Variants in RPS15 observed in about 807,000 individuals in gnomAD.
RPS15 encodes ribosomal protein S15, also known as small ribosomal subunit protein uS19.
A neutral mutation model predicts 14.9 loss-of-function variants in RPS15; 5 were observed. That is an observed-to-expected ratio of 0.34 (90% CI 0.18 to 0.70). The LOEUF (loss-of-function observed/expected upper bound fraction) is 0.70. Ranked by LOEUF, RPS15 falls within the 30% of genes least tolerant of loss-of-function variation. The probability of loss-of-function intolerance (pLI) is 0.65; values close to 1 mark genes in which losing one functional copy is unlikely to be tolerated. For missense variants in RPS15, 102 were observed against 204.2 expected, an observed-to-expected ratio of 0.50 and a Z score of 3.05; for synonymous variants, 103 against 85.0, an observed-to-expected ratio of 1.21 and a Z score of -1.16.
Position 1,440,035 on chromosome 19 carries a change from C to T in RPS15, c.106C>T (p.Leu36=). 2.6e-6 allele frequency: 4 copies of T among 1,553,206 alleles called. No homozygotes were observed. Among genetic ancestry groups the T allele is most frequent in the South Asian group, 2.4e-5 (2 of 84,298 alleles). The change falls in exon 3 of 4, where the codon CTG becomes TTG. Residue 36 remains leucine, a synonymous_variant. Transcript: ENST00000592588. The part of the protein sequence containing the change: ...LDMSYEQLMQ[L]YSARQRRRLN... ...CCTCCCCAGCGAGCAGCTGATGCAG[C>T]TGTACAGTGCGCGCCAGCGGCGGCG...
At chr19:1,440,321 A>G in intron 3 of RPS15, 28 bp from the exon 4 acceptor site, 4 of 1,611,392 alleles carry the variant, frequency 2.5e-6, no homozygotes, top group Non-Finnish European at 3.4e-6. Flanking sequence ...ATCAGCTGAC[A>G]CCCAGCTTTG....
rs201504533 is a variant in RPS15 at position 1,438,425 on chromosome 19, G to A, written c.-1G>A. The A allele has an allele frequency of 4.3e-6, 7 of 1,613,498 alleles. No homozygotes were observed. The African/African-American group carries it at 5.3e-5, about 12-fold the overall frequency. On this transcript the variant is annotated 5_prime_UTR_variant, in exon 1 of 4. Transcript: ENST00000592588. The surrounding 1 kb of genome is among the most constrained non-coding windows in gnomAD (Gnocchi z 4.8). ...GCGATCTCTTCTGAGGATCCGGCAA[G>A]ATGGTGAGTGTTGCGATTTGGCGCG...
intron 2 of RPS15, 121 bp from the exon 3 acceptor site, chr19:1,439,898 T>G: frequency 1.2e-6 from 1 of 821,520 alleles, no homozygotes; most frequent in South Asian, 1.4e-5. Context: ...CAATGGACAG[T>G]GACAGGTCCA....
At position 1,438,569 on chromosome 19, in the gene RPS15, G is replaced by A. The variant is rs2083626910; in HGVS notation, c.3+141G>A. On this transcript the variant is annotated intron_variant, in intron 1 of 3. Transcript: ENST00000592588. The surrounding 1 kb of genome is among the most constrained non-coding windows in gnomAD (Gnocchi z 4.8). ...TGCAGGCGGCTGGATGTTGGGGCGA[G>A]GGGCGGACTTGGTGGGTGTCGGGAC... The A allele has an allele frequency of 2.6e-6, 4 of 1,564,600 alleles. No homozygotes were observed. The highest frequency in any genetic ancestry group is 1.7e-6 in the Non-Finnish European group (2 of 1,154,226).
rs769233653 is a variant in RPS15, at chr19:1,438,431, G to A, written c.3+3G>A. ...TCTTCTGAGGATCCGGCAAGATGGT[G>A]AGTGTTGCGATTTGGCGCGTCTCTG... On this transcript the variant is annotated splice_donor_region_variant and intron_variant, in intron 1 of 3. Transcript: ENST00000592588. The surrounding 1 kb of genome is among the most constrained non-coding windows in gnomAD (Gnocchi z 4.8). The A allele has an allele frequency of 5.0e-6, 8 of 1,613,376 alleles. No individual in the cohort carries two copies. The African/African-American group carries it at 5.3e-5, about 11-fold the overall frequency.
At position 1,438,638 on chromosome 19, in the gene RPS15, C is replaced by A; in HGVS notation, c.4-169C>A. 6.5e-7 allele frequency: 1 copy of A among 1,529,508 alleles called. No homozygotes were observed. The highest frequency in any genetic ancestry group is 8.8e-7 in the Non-Finnish European group (1 of 1,133,068). The allele number at this position is 1,529,508 out of a possible 1,614,324, so 94.7% of individuals were successfully genotyped here. A position where few individuals can be genotyped will look rare whatever the true frequency, so the allele number is the denominator to read the frequency against. ...CCTGTCCGGGCCTTCATGTCCGGGT[C>A]CTCGTAACCCGGAGCCGCGAGTGAT... On this transcript the variant is annotated intron_variant, in intron 1 of 3. Coordinates refer to ENST00000592588, the MANE Select transcript of RPS15 (RefSeq NM_001018.5). This position sits in a 1 kb window ranked among gnomAD's most constrained non-coding sequence, Gnocchi z 4.8.
chr19:1,439,550 C>T lies in RPS15; in HGVS notation c.90-469C>T, dbSNP rs772359734. The T allele has an allele frequency of 4.1e-4, 121 of 293,522 alleles. 1 individual carries two copies. Among genetic ancestry groups the T allele is most frequent in the Middle Eastern group, 2.3e-3 (2 of 868 alleles). The allele number at this position is 293,522 out of a possible 1,614,324, so 18.2% of individuals were successfully genotyped here. On this transcript the variant is annotated intron_variant, in intron 2 of 3. Coordinates refer to ENST00000592588, the MANE Select transcript of RPS15 (RefSeq NM_001018.5). ...GCTGGGATTACAGGCGTGAACACCG[C>T]GCCCGACCTTGATTTTTGATTATTT...
intron 2 of RPS15, chr19:1,439,610 G>A: frequency 8.4e-6 from 4 of 477,492 alleles, no homozygotes; most frequent in Non-Finnish European, 1.5e-5. Context: ...GTCCAGGTTG[G>A]TCTTGAACTC....
chr19:1,440,351 C>T lies in RPS15; in HGVS notation c.327C>T (p.Pro109=), dbSNP rs779437588. 2 of 1,613,958 alleles carry T rather than the reference C, an allele frequency of 1.2e-6. No individual in the cohort carries two copies. Among genetic ancestry groups the T allele is most frequent in the Non-Finnish European group, 8.5e-7 (1 of 1,179,918 alleles). Residue 109 remains proline, a splice_region_variant and synonymous_variant, in exon 4 of 4, where the codon CCC becomes CCT. Transcript: ENST00000592588. ...GCTTTGCTCTTGGTCTCCCGCAGCC[C>T]GAGATGATCGGCCACTACCTGGGCG... is the stretch of plus-strand genomic sequence containing the variant. ...GKTFNQVEIK[P]EMIGHYLGEF...
At chr19:1,440,293 T>TCG in intron 3 of RPS15, 40 bp downstream of exon 3, 1 of 1,610,064 alleles carries the variant, frequency 6.2e-7, no homozygotes, top group Non-Finnish European at 8.5e-7. Flanking sequence ...TGGGCTGGGG[T>TCG]CGCCTGATGC....
In RPS15 at chr19:1,440,070, G is replaced by A. The variant is rs886789572; in HGVS notation, c.141G>A (p.Arg47=). Residue 47 remains arginine (R), a synonymous_variant, in exon 3 of 4, where the codon CGG becomes CGA. Coordinates refer to ENST00000592588, the MANE Select transcript of RPS15 (RefSeq NM_001018.5). The stretch of plus-strand genomic sequence containing the variant: ...CGCGCCAGCGGCGGCGGCTGAACCG[G>A]GGCCTGCGGCGGAAGCAGCACTCCC... The part of the protein sequence containing the change: ...YSARQRRRLN[R]GLRRKQHSLL... 2.6e-6 allele frequency: 4 copies of A among 1,566,962 alleles called. No individual in the cohort carries two copies. The highest frequency in any genetic ancestry group is 3.5e-6 in the Non-Finnish European group (4 of 1,157,212).
intron 2 of RPS15, 124 bp downstream of exon 2, chr19:1,439,016 G>A: frequency 1.3e-6 from 1 of 781,764 alleles, no homozygotes; most frequent in South Asian, 1.9e-5. Context: ...CTCCGCGCGG[G>A]TTTGGAACTG....
chr19:1,438,708 C>T lies in RPS15; in HGVS notation c.4-99C>T. ...CGGTGTGTCCCTGTCGGGCTTCTGT[C>T]CCCGGCGGCGCCGCGCGTCTTCCGC... On this transcript the variant is annotated intron_variant, in intron 1 of 3. Transcript: ENST00000592588. The surrounding 1 kb of genome is among the most constrained non-coding windows in gnomAD (Gnocchi z 4.8). The T allele has an allele frequency of 6.5e-7, 1 of 1,533,194 alleles. No homozygotes were observed. The highest frequency in any genetic ancestry group is 2.3e-4 in the Middle Eastern group (1 of 4,360). 95.0% of individuals were successfully genotyped at this position (1,533,194 alleles called of 1,614,324 possible).
Position 1,438,401 on chromosome 19 carries a change from C to A in RPS15, c.-25C>A, listed in dbSNP as rs780290556. On this transcript the variant is annotated 5_prime_UTR_variant, in exon 1 of 4. Coordinates refer to ENST00000592588, the MANE Select transcript of RPS15 (RefSeq NM_001018.5). The surrounding 1 kb of genome is among the most constrained non-coding windows in gnomAD (Gnocchi z 4.8). ...ATAACTGCGCAGGCGCGGACCAAAG[C>A]GATCTCTTCTGAGGATCCGGCAAGA... The A allele has an allele frequency of 5.0e-6, 8 of 1,613,242 alleles. No homozygotes were observed. The highest frequency in any genetic ancestry group is 1.7e-5 in the Admixed American group (1 of 59,992).
rs1342483872 is a variant in RPS15, at chr19:1,438,699, G to A, written c.4-108G>A. On this transcript the variant is annotated intron_variant, in intron 1 of 3. Coordinates refer to ENST00000592588, the MANE Select transcript of RPS15 (RefSeq NM_001018.5). This position sits in a 1 kb window ranked among gnomAD's most constrained non-coding sequence, Gnocchi z 4.8. Reference sequence around the variant, plus strand: ...GGGTCGAAGCGGTGTGTCCCTGTCGGGCTTCTGTCCCCGGCGGCGCCGCGC... The same window carrying A: ...GGGTCGAAGCGGTGTGTCCCTGTCGAGCTTCTGTCCCCGGCGGCGCCGCGC... The A allele has an allele frequency of 1.3e-6, 2 of 1,533,752 alleles. No individual in the cohort carries two copies. The highest frequency in any genetic ancestry group is 1.8e-6 in the Non-Finnish European group (2 of 1,134,008).
In RPS15 at chr19:1,440,035, C is replaced by G. The variant is rs1312063572; in HGVS notation, c.106C>G (p.Leu36Val). The part of the protein sequence containing the change: ...LDMSYEQLMQ[L>V]YSARQRRRLN... ...CCTCCCCAGCGAGCAGCTGATGCAG[C>G]TGTACAGTGCGCGCCAGCGGCGGCG... The change falls in exon 3 of 4, where the codon CTG (leucine) becomes GTG (valine). Residue 36 changes from leucine (L) to valine (V), a missense_variant. Around this residue, in one of 2 missense-constraint regions of RPS15, gnomAD observed 70 missense variants for 96.8 expected, o/e 0.72. Transcript: ENST00000592588. 6.4e-6 allele frequency: 10 copies of G among 1,553,088 alleles called. No homozygotes were observed. The highest frequency in any genetic ancestry group is 5.4e-5 in the African/African-American group (4 of 73,512).
chr19:1,439,061 C>G, intron 2 of RPS15, 169 bp downstream of exon 2: 1 of 599,006 alleles, frequency 1.7e-6, no homozygotes, highest in South Asian at 2.1e-5. Flanking sequence ...TGTCCAGAGA[C>G]GTTGAGGTTT....
At position 1,438,691 on chromosome 19, in the gene RPS15, C is replaced by T. The variant is rs1046944797; in HGVS notation, c.4-116C>T. On this transcript the variant is annotated intron_variant, in intron 1 of 3. Coordinates refer to ENST00000592588, the MANE Select transcript of RPS15 (RefSeq NM_001018.5). The surrounding 1 kb of genome is among the most constrained non-coding windows in gnomAD (Gnocchi z 4.8). Reference sequence around the variant, plus strand: ...CCGGGGACGGGTCGAAGCGGTGTGTCCCTGTCGGGCTTCTGTCCCCGGCGG... The same window carrying T: ...CCGGGGACGGGTCGAAGCGGTGTGTTCCTGTCGGGCTTCTGTCCCCGGCGG... 21 of 1,532,724 alleles carry T rather than the reference C, an allele frequency of 1.4e-5. No homozygotes were observed. Among genetic ancestry groups the T allele is most frequent in the Non-Finnish European group, 1.9e-5 (21 of 1,133,072 alleles). 94.9% of individuals were successfully genotyped at this position (1,532,724 alleles called of 1,614,324 possible).
At position 1,438,857 on chromosome 19, in the gene RPS15, C is replaced by T. The variant is rs1298278995; in HGVS notation, c.54C>T (p.Arg18=). ...KKRTFRKFTY[R]GVDLDQLLDM... ...GGACCTTCCGCAAGTTCACCTACCG[C>T]GGCGTGGACCTCGACCAGCTGCTGG... Residue 18 remains arginine, a synonymous_variant, in exon 2 of 4, where the codon CGC becomes CGT. Transcript: ENST00000592588. This position sits in a 1 kb window ranked among gnomAD's most constrained non-coding sequence, Gnocchi z 4.8. The T allele has an allele frequency of 9.4e-6, 15 of 1,594,182 alleles. No homozygotes were observed. The South Asian group carries it at 1.7e-4, about 18-fold the overall frequency.
Sources: allele counts gnomAD v4.1 joint callset, GRCh38; gene constraint gnomAD v4.1.1; regional missense constraint gnomAD v4.1.1; non-coding constraint Gnocchi (gnomAD v3.1); transcripts MANE v1.5; gene names NCBI Gene and HGNC (gene_info 2026-07-23, HGNC 2026-07-21).